The following MAP2K1 variants were observed in gnomAD, a reference collection of about 807,000 sequenced individuals.
MAP2K1 encodes the protein mitogen-activated protein kinase kinase 1, also known as dual specificity mitogen-activated protein kinase kinase 1.
Under a neutral mutation model 46.3 loss-of-function variants are expected in MAP2K1, and 16 were observed. That is an observed-to-expected ratio of 0.35 (90% CI 0.23 to 0.52). The LOEUF is 0.52. MAP2K1 is among the 20% of genes least tolerant of loss of function. The pLI is 0.94. For synonymous variants in MAP2K1, 183 were observed against 185.6 expected (o/e 0.99, Z 0.11); for missense variants, 263 against 497.1 (o/e 0.53, Z 4.48).
intron 3 of MAP2K1, among the ~76,000 whole-genome samples, chr15:66,441,582 G>A (rs2093503730): frequency 6.6e-6 from 1 of 152,012 alleles, no homozygotes; most frequent in South Asian, 2.1e-4. Context: ...GAGGCAGGAG[G>A]ATCACTTCCT....
chr15:66,429,836 G>A (rs1595858507), intron 1 of MAP2K1, among the ~76,000 whole-genome samples: 2 of 152,172 alleles, frequency 1.3e-5, no homozygotes, highest in South Asian at 4.1e-4. Flanking sequence ...TCCATGGTTT[G>A]ACTGTTCAGA....
At chr15:66,476,843 A>G (rs1352782951) in intron 5 of MAP2K1, among the ~76,000 whole-genome samples, 1 of 152,158 alleles carries the variant, frequency 6.6e-6, no homozygotes, top group Non-Finnish European at 1.5e-5. Context: ...TGGGGTGCTG[A>G]GGAAGATCAA....
At chr15:66,443,774 G>T (rs1251616864) in intron 4 of MAP2K1, among the ~76,000 whole-genome samples, 1 of 152,196 alleles carries the variant, frequency 6.6e-6, no homozygotes, top group African/African-American at 2.4e-5. Context: ...TTGGGAAGCT[G>T]AGGTGGGAAG....
At chr15:66,431,023 G>A (rs750500836) in intron 1 of MAP2K1, among the ~76,000 whole-genome samples, 1 of 152,194 alleles carries the variant, frequency 6.6e-6, no homozygotes, top group Non-Finnish European at 1.5e-5. Flanking sequence ...TTCTAACTCT[G>A]CCATGGTGAA....
chr15:66,482,494 C>T (rs901298789), intron 6 of MAP2K1, among the ~76,000 whole-genome samples: 1 of 152,234 alleles, frequency 6.6e-6, no homozygotes, highest in African/African-American at 2.4e-5. Context: ...TGCTCCACTT[C>T]AGCCAACACC....
chr15:66,489,513 G>A (rs1249283856), intron 9 of MAP2K1: 1 of 670,878 alleles, frequency 1.5e-6, no homozygotes, highest in African/African-American at 1.8e-5. Context: ...TCCAGGGATT[G>A]GCACGTTGCT....
At chr15:66,432,461 C>T (rs1451543686) in intron 1 of MAP2K1, among the ~76,000 whole-genome samples, 1 of 152,154 alleles carries the variant, frequency 6.6e-6, no homozygotes, top group African/African-American at 2.4e-5. Context: ...TTCCCTTTTC[C>T]TTTGCAAATT....
chr15:66,486,906 A>G (rs1214054543), intron 7 of MAP2K1, among the ~76,000 whole-genome samples: 4 of 152,164 alleles, frequency 2.6e-5, no homozygotes, highest in African/African-American at 7.2e-5. Context: ...TTTAGTTGCT[A>G]TCTCATTTGT....
intron 5 of MAP2K1, among the ~76,000 whole-genome samples, chr15:66,449,906 C>T (rs371202876): frequency 4.0e-5 from 6 of 150,576 alleles, no homozygotes; most frequent in African/African-American, 1.5e-4. Context: ...ACTGGCAAAC[C>T]GAATCCAGCA....
chr15:66,403,437 C>T (rs1401093564), intron 1 of MAP2K1, among the ~76,000 whole-genome samples: 1 of 152,076 alleles, frequency 6.6e-6, no homozygotes, highest in Non-Finnish European at 1.5e-5. Flanking sequence ...AGTAGGAGGG[C>T]CTATTTTTAA....
At chr15:66,410,060 A>G (rs1345758506) in intron 1 of MAP2K1, among the ~76,000 whole-genome samples, 1 of 152,136 alleles carries the variant, frequency 6.6e-6, no homozygotes, top group East Asian at 1.9e-4. Flanking sequence ...GCCCAGAGAG[A>G]CTGGGCAGCC....
At chr15:66,473,478 G>A (rs1002935401) in intron 5 of MAP2K1, among the ~76,000 whole-genome samples, 2 of 152,062 alleles carry the variant, frequency 1.3e-5, no homozygotes, top group African/African-American at 4.8e-5. Context: ...GAGCCTAGGA[G>A]GTCGAGGCTG....
intron 5 of MAP2K1, among the ~76,000 whole-genome samples, chr15:66,478,652 A>T (rs1257413036): frequency 1.3e-5 from 2 of 151,470 alleles, no homozygotes; most frequent in Non-Finnish European, 2.9e-5. Flanking sequence ...GTGATGTGCT[A>T]CCATGCCCAG....
At chr15:66,408,230 A>G (rs2093402583) in intron 1 of MAP2K1, among the ~76,000 whole-genome samples, 1 of 152,218 alleles carries the variant, frequency 6.6e-6, no homozygotes, top group African/African-American at 2.4e-5. Flanking sequence ...AAGGAGAGAA[A>G]ATTCTTATTT....
intron 1 of MAP2K1, among the ~76,000 whole-genome samples, chr15:66,392,640 G>A (rs1021840942): frequency 2.1e-5 from 3 of 144,608 alleles, no homozygotes; most frequent in Non-Finnish European, 3.0e-5. Flanking sequence ...CGCAACCTCC[G>A]CCCCCCAGGT....
intron 10 of MAP2K1, chr15:66,490,054 A>G (rs764950109): frequency 3.6e-5 from 20 of 558,270 alleles, no homozygotes; most frequent in Non-Finnish European, 1.6e-5. Flanking sequence ...GCCTTTCCCT[A>G]ATACTGACTG....
intron 6 of MAP2K1, among the ~76,000 whole-genome samples, chr15:66,483,569 T>C (rs1379325262): frequency 6.6e-6 from 1 of 152,180 alleles, no homozygotes; most frequent in Non-Finnish European, 1.5e-5. Context: ...TACGTGAATA[T>C]ACTATGGGCA....
chr15:66,413,055 C>G (rs978283818), intron 1 of MAP2K1, among the ~76,000 whole-genome samples: 1 of 152,054 alleles, frequency 6.6e-6, no homozygotes, highest in Non-Finnish European at 1.5e-5. Context: ...GCCACCACGC[C>G]CAGCTAATTT....
chr15:66,421,093 T>TACACACACAC (rs71454561), intron 1 of MAP2K1, among the ~76,000 whole-genome samples: 9 of 128,846 alleles, frequency 7.0e-5, no homozygotes, highest in African/African-American at 1.2e-4. Context: ...TACACACACA[T>TACACACACAC]ACACACACAC....
Sources: gnomAD v4.1 joint callset for allele counts (sites outside exome capture counted in the v4.1 genomes callset) on GRCh38, gnomAD v4.1.1 for gene constraint, MANE v1.5 for transcripts, NCBI Gene and HGNC (gene_info 2026-07-23, HGNC 2026-07-21) for gene names.